SDK2: variants seen among roughly 807,000 people sequenced by gnomAD.
SDK2 encodes sidekick cell adhesion molecule 2, also known as protein sidekick-2.
Under a neutral mutation model 253.9 loss-of-function variants are expected in SDK2, and 105 were observed. The observed-to-expected ratio is 0.41, with a 90% confidence interval of 0.35 to 0.49. The LOEUF (loss-of-function observed/expected upper bound fraction) is 0.49. Among genes scored for constraint, SDK2 ranks in the 20% least tolerant of loss-of-function variants. The pLI is 0.06. For synonymous variants in SDK2, 1,249 were observed against 1,234.9 expected, an observed-to-expected ratio of 1.01 and a Z score of -0.24; for missense variants, 2,608 against 3,003.0, an observed-to-expected ratio of 0.87 and a Z score of 3.07.
In SDK2 at chr17:73,413,751, C is replaced by T. The variant is rs77425443; in HGVS notation, c.2484+893G>A. Among the ~76,000 whole-genome samples, 747 of 152,270 alleles carry T rather than the reference C, an allele frequency of 4.9e-3. 17 individuals carry two copies. In the East Asian group the frequency reaches 0.056, roughly 11 times the overall value. The stretch of plus-strand genomic sequence containing the variant: ...AACTGAGTTTATTTTAGTTATTCAG[C>T]GGTGCGAGCAGTGCATAGAGTAGCT... On this transcript the variant is annotated intron_variant, in intron 18 of 44. Transcript: ENST00000392650.
intron 25 of SDK2, among the ~76,000 whole-genome samples, chr17:73,394,782 C>T (rs2062956688): frequency 6.6e-6 from 1 of 152,162 alleles, no homozygotes; most frequent in African/African-American, 2.4e-5. Flanking sequence ...GGTAGTGATT[C>T]TGGAATGTCC....
rs945156815 is a variant in SDK2 at position 73,365,474 on chromosome 17, C to T, written c.5168-79G>A. 2.5e-5 allele frequency: 36 copies of T among 1,432,160 alleles called. No individual in the cohort carries two copies. The South Asian group carries it at 3.8e-4, about 15-fold the overall frequency. 88.7% of individuals were successfully genotyped at this position (1,432,160 alleles called of 1,614,324 possible). ...CTCGGGTTCAGCTCCAAGGAGCTAG[C>T]GGGAGTATTGGGTCTGAGCCCGGGA... On this transcript the variant is annotated intron_variant, in intron 37 of 44. Coordinates refer to ENST00000392650, the MANE Select transcript of SDK2 (RefSeq NM_001144952.2).
intron 1 of SDK2, among the ~76,000 whole-genome samples, chr17:73,599,479 G>A (rs1310246173): frequency 6.6e-6 from 1 of 151,804 alleles, no homozygotes; most frequent in South Asian, 2.1e-4. Flanking sequence ...AGGCTGCAGT[G>A]AGCTGAGATA....
At chr17:73,569,441 G>T (rs1177301933) in intron 1 of SDK2, among the ~76,000 whole-genome samples, 3 of 151,928 alleles carry the variant, frequency 2.0e-5, no homozygotes, top group Non-Finnish European at 4.4e-5. Flanking sequence ...TAGGTGATCT[G>T]CCCACCTGGG....
At chr17:73,575,300 G>A (rs1055526489) in intron 1 of SDK2, among the ~76,000 whole-genome samples, 1 of 152,176 alleles carries the variant, frequency 6.6e-6, no homozygotes, top group Non-Finnish European at 1.5e-5. Flanking sequence ...AAGAAACCCT[G>A]GGTTCTCCCT....
chr17:73,524,115 G>A (rs574874813), intron 1 of SDK2, among the ~76,000 whole-genome samples: 2 of 152,208 alleles, frequency 1.3e-5, no homozygotes, highest in Non-Finnish European at 2.9e-5. Context: ...CCATGCTTGG[G>A]CCTCCATTTG....
chr17:73,622,202 A>G (rs142088049), intron 1 of SDK2, among the ~76,000 whole-genome samples: 87 of 152,368 alleles, frequency 5.7e-4, no homozygotes, highest in African/African-American at 2.0e-3. Flanking sequence ...GCCATGGGCT[A>G]TAAGTCCTTT....
chr17:73,611,871 T>A (rs550049949), intron 1 of SDK2, among the ~76,000 whole-genome samples: 18 of 152,186 alleles, frequency 1.2e-4, no homozygotes, highest in South Asian at 1.0e-3. Context: ...CAGGGTCAGA[T>A]GAAAGTATCT....
rs780007687 is a variant in SDK2, at chr17:73,416,035, C to T, written c.2187-43G>A. On this transcript the variant is annotated intron_variant, in intron 16 of 44. Transcript: ENST00000392650. ...GGCACAGTGGAGTCAGAGTCAGCTT[C>T]CTTGGCCTCGTACCCAGGAAATTGT... 4 of 1,562,090 alleles carry T rather than the reference C, an allele frequency of 2.6e-6. No individual in the cohort carries two copies. In the East Asian group the frequency reaches 6.9e-5, roughly 27 times the overall value.
intron 8 of SDK2, among the ~76,000 whole-genome samples, chr17:73,436,822 C>T (rs141319607): frequency 2.4e-4 from 37 of 152,060 alleles, no homozygotes; most frequent in African/African-American, 8.9e-4. Flanking sequence ...AATTGGCTGC[C>T]TTTTTTCTTT....
chr17:73,587,985 A>G (rs1471337261), intron 1 of SDK2, among the ~76,000 whole-genome samples: 2 of 152,278 alleles, frequency 1.3e-5, no homozygotes, highest in Middle Eastern at 3.4e-3. Context: ...AAAGCCCACC[A>G]TGTTCATAAG....
intron 36 of SDK2, among the ~76,000 whole-genome samples, chr17:73,369,891 G>C (rs1028198713): frequency 6.6e-6 from 1 of 152,094 alleles, no homozygotes; most frequent in Non-Finnish European, 1.5e-5. Flanking sequence ...TGATCCGCCC[G>C]CCTCGGCCTC....
chr17:73,433,474 A>C (rs751842618), intron 10 of SDK2, among the ~76,000 whole-genome samples: 1 of 152,050 alleles, frequency 6.6e-6, no homozygotes, highest in Non-Finnish European at 1.5e-5. Context: ...TTTAGTAGAG[A>C]CCGGGTTTCA....
chr17:73,386,643 G>A (rs1466784522), intron 30 of SDK2, 95 bp from the exon 31 acceptor site: 52 of 822,536 alleles, frequency 6.3e-5, no homozygotes, highest in Admixed American at 4.1e-4. Context: ...GGCCCTGCTC[G>A]GGAAAGGGGG....
chr17:73,485,280 G>A (rs1025176533), intron 2 of SDK2, among the ~76,000 whole-genome samples: 3 of 152,178 alleles, frequency 2.0e-5, no homozygotes, highest in African/African-American at 7.2e-5. Context: ...TGGAGGCTGA[G>A]GGGGCGAGGG....
Position 73,423,857 on chromosome 17 carries a change from G to A in SDK2, c.1760+59C>T, listed in dbSNP as rs1051582691. ...AAAAAAGGGACTCGGCTGGCTCTGA[G>A]CATGCCAGTTGCTATTGCCTGGACC... is the stretch of plus-strand genomic sequence containing the variant. On this transcript the variant is annotated intron_variant, in intron 13 of 44. Coordinates refer to ENST00000392650, the MANE Select transcript of SDK2 (RefSeq NM_001144952.2). 56 of 1,397,002 alleles carry A rather than the reference G, an allele frequency of 4.0e-5. No homozygotes were observed. In the South Asian group the frequency reaches 6.4e-4, roughly 16 times the overall value. 86.5% of individuals were successfully genotyped at this position (1,397,002 alleles called of 1,614,324 possible).
rs780101980 is a variant in SDK2, at chr17:73,401,725, A to C, written c.2708T>G (p.Phe903Cys). The C allele has an allele frequency of 6.3e-7, 1 of 1,588,310 alleles. No homozygotes were observed. The highest frequency in any genetic ancestry group is 8.6e-7 in the Non-Finnish European group (1 of 1,166,410). The change falls in exon 20 of 45, where the codon TTC becomes TGC. Residue 903 changes from phenylalanine to cysteine, a missense_variant. Coordinates refer to ENST00000392650, the MANE Select transcript of SDK2 (RefSeq NM_001144952.2). ...DVPGPVGHLS[F>C]SEILDTSLKV... ...CAGCGATGTGTCCAGGATCTCACTGAAGCTCAGGTGTCCCACGGGCCCAGG... is the reference window on the plus strand; with the variant it reads ...CAGCGATGTGTCCAGGATCTCACTGCAGCTCAGGTGTCCCACGGGCCCAGG...
chr17:73,412,972 A>T (rs1203426726), intron 18 of SDK2, among the ~76,000 whole-genome samples: 1 of 152,188 alleles, frequency 6.6e-6, no homozygotes, highest in East Asian at 1.9e-4. Flanking sequence ...CCGTACTTCT[A>T]ATCCCCAGAA....
chr17:73,336,978 C>T lies in SDK2; in HGVS notation c.*1609G>A, dbSNP rs2062384399. 1 of 152,334 alleles carries T rather than the reference C, an allele frequency of 6.6e-6. No homozygotes were observed. Among genetic ancestry groups the T allele is most frequent in the Non-Finnish European group, 1.5e-5 (1 of 68,156 alleles). The allele number at this position is 152,334 out of a possible 1,614,324, so 9.4% of individuals were successfully genotyped here. A position where few individuals can be genotyped will look rare whatever the true frequency, so the allele number is the denominator to read the frequency against. On this transcript the variant is annotated 3_prime_UTR_variant, in exon 45 of 45. Transcript: ENST00000392650. ...CCTAAACCCTGGCATCCGTAAGTAC[C>T]AAGTGGACGGGAAGATCCTGGCCAC...
Sources: gnomAD v4.1 joint callset for allele counts (sites outside exome capture counted in the v4.1 genomes callset) on GRCh38, gnomAD v4.1.1 for gene constraint, MANE v1.5 for transcripts, NCBI Gene and HGNC (gene_info 2026-07-23, HGNC 2026-07-21) for gene names.